CCL20: variants seen among roughly 807,000 people sequenced by gnomAD.
CCL20 encodes C-C motif chemokine 20.
CCL20 carries 8 observed loss-of-function variants against 10.8 expected under a neutral mutation model. The observed-to-expected ratio is 0.74, with a 90% CI of 0.44 to 1.34. CCL20 has a LOEUF of 1.34. Ranked by LOEUF, CCL20 falls within the 40% of genes most tolerant of loss-of-function variation. The probability of loss-of-function intolerance (pLI) is 0.01; values close to 1 mark genes in which losing one functional copy is unlikely to be tolerated. For missense variants in CCL20, 107 were observed against 117.9 expected, an observed-to-expected ratio of 0.91 and a Z score of 0.43; for synonymous variants, 40 against 39.4, an observed-to-expected ratio of 1.02 and a Z score of -0.06.
chr2:227,815,419 T>C lies in CCL20; in HGVS notation c.77-35T>C, dbSNP rs771696536. 6.6e-5 allele frequency: 69 copies of C among 1,044,572 alleles called. 3 individuals carry two copies. The Middle Eastern group carries it at 0.013, about 193-fold the overall frequency. The allele number at this position is 1,044,572 out of a possible 1,614,324, so 64.7% of individuals were successfully genotyped here. On this transcript the variant is annotated intron_variant, in intron 1 of 3. Transcript: ENST00000358813. ...CAATCACAGGATAAGTTTATTCATGTGGATCCAATACCTTTCACTTTTTTT... is the reference window on the plus strand; with the variant it reads ...CAATCACAGGATAAGTTTATTCATGCGGATCCAATACCTTTCACTTTTTTT...
rs1377791765 is a variant in CCL20 at position 227,813,986 on chromosome 2, A to G, written c.75A>G (p.Glu25=). 6 of 1,613,522 alleles carry G rather than the reference A, an allele frequency of 3.7e-6. No individual in the cohort carries two copies. Among genetic ancestry groups the G allele is most frequent in the African/African-American group, 1.3e-5 (1 of 74,924 alleles). ...VLLLHLCGES[E]AASNFDCCLG... is the part of the protein sequence containing the mutation. ...TACTCCACCTCTGCGGCGAATCAGAAGGTAAGTGTCGCTCTTTCCGCTAGC... is the reference window on the plus strand; with the variant it reads ...TACTCCACCTCTGCGGCGAATCAGAGGGTAAGTGTCGCTCTTTCCGCTAGC... Residue 25 remains glutamate (E), a splice_region_variant and synonymous_variant, in exon 1 of 4, where the codon GAA becomes GAG. Transcript: ENST00000358813.
rs376118694 is a variant in CCL20 at position 227,813,908 on chromosome 2, A to G, written c.-4A>G. On this transcript the variant is annotated 5_prime_UTR_variant, in exon 1 of 4. Coordinates refer to ENST00000358813, the MANE Select transcript of CCL20 (RefSeq NM_004591.3). ...GAGCAGATCTGTTCTTTGAGCTAAA[A>G]ACCATGTGCTGTACCAAGAGTTTGC... The G allele has an allele frequency of 1.3e-5, 21 of 1,613,112 alleles. No homozygotes were observed. In the African/African-American group the frequency reaches 2.8e-4, roughly 22 times the overall value.
intron 3 of CCL20, 53 bp downstream of exon 3, chr2:227,816,437 G>A: frequency 2.0e-6 from 2 of 999,568 alleles, no homozygotes; most frequent in South Asian, 1.5e-5. Context: ...AGAGGAGTGT[G>A]CAAAGGGGTG....
Position 227,816,313 on chromosome 2 carries a change from C to G in CCL20, c.198C>G (p.His66Gln), listed in dbSNP as rs1401062054. 3.7e-6 allele frequency: 6 copies of G among 1,606,710 alleles called. No homozygotes were observed. The highest frequency in any genetic ancestry group is 2.2e-5 in the East Asian group (1 of 44,768). The change falls in exon 3 of 4, where the codon CAC becomes CAG. Residue 66 changes from histidine to glutamine, a missense_variant. Physicochemically the swap from His to Gln is conservative, Grantham distance 24 (BLOSUM62 0). Coordinates refer to ENST00000358813, the MANE Select transcript of CCL20 (RefSeq NM_004591.3). ...EGCDINAIIF[H>Q]TKKKLSVCAN... is the part of the protein sequence containing the mutation. ...AAATTTTCTGATTTTTCAGCTTTCA[C>G]ACAAAGAAAAAGTTGTCTGTGTGCG... is the stretch of plus-strand genomic sequence containing the variant.
rs546455394 is a variant in CCL20, at chr2:227,813,932, G to A, written c.21G>A (p.Leu7=). The change falls in exon 1 of 4, where the codon TTG becomes TTA. Residue 7 remains leucine (L), a synonymous_variant. Transcript: ENST00000358813. ...AAACCATGTGCTGTACCAAGAGTTT[G>A]CTCCTGGCTGCTTTGATGTCAGTGC... MCCTKS[L]LLAALMSVLL... is the part of the protein sequence containing the mutation. 104 of 1,614,094 alleles carry A rather than the reference G, an allele frequency of 6.4e-5. 2 individuals carry two copies. The South Asian group carries it at 1.1e-3, about 17-fold the overall frequency.
chr2:227,816,838 G>A (rs950791934), intron 3 of CCL20, among the ~76,000 whole-genome samples: 1 of 152,222 alleles, frequency 6.6e-6, no homozygotes, highest in African/African-American at 2.4e-5. Flanking sequence ...TGAACTTGGA[G>A]ACACAAGATA....
intron 2 of CCL20, chr2:227,815,814 C>T (rs973881609): frequency 1.7e-5 from 6 of 359,946 alleles, no homozygotes; most frequent in Non-Finnish European, 2.5e-5. Context: ...TTTGGTCAAA[C>T]GGAACTAGTA....
At chr2:227,814,128 G>A (rs1279359809) in intron 1 of CCL20, 141 bp downstream of exon 1, 3 of 727,238 alleles carry the variant, frequency 4.1e-6, no homozygotes, top group Admixed American at 4.3e-5. Context: ...GTCTGCCCAT[G>A]GTGGAGTGGA....
In CCL20 at chr2:227,814,036, TC is replaced by T. The variant is rs5839237; in HGVS notation, c.76+51del. The T allele has an allele frequency of 0.017, 26,313 of 1,537,652 alleles. 3,723 individuals are homozygous for T. In the African/African-American group the frequency reaches 0.31, roughly 18 times the overall value. Reference sequence around the variant, plus strand: ...CACAGAAGAAAGACTATTTTCATTTTCCTTTTAGCCTTGAGCTCAACTGGGG... The same window carrying T: ...CACAGAAGAAAGACTATTTTCATTTTCTTTTAGCCTTGAGCTCAACTGGGG... On this transcript the variant is annotated intron_variant, in intron 1 of 3. Transcript: ENST00000358813.
rs202153466 is a variant in CCL20, at chr2:227,813,998, C to T, written c.76+11C>T. Reference sequence around the variant, plus strand: ...GCGGCGAATCAGAAGGTAAGTGTCGCTCTTTCCGCTAGCACAGAAGAAAGA... The same window carrying T: ...GCGGCGAATCAGAAGGTAAGTGTCGTTCTTTCCGCTAGCACAGAAGAAAGA... On this transcript the variant is annotated intron_variant, in intron 1 of 3. Coordinates refer to ENST00000358813, the MANE Select transcript of CCL20 (RefSeq NM_004591.3). 6 of 1,609,810 alleles carry T rather than the reference C, an allele frequency of 3.7e-6. No homozygotes were observed. In the African/African-American group the frequency reaches 6.7e-5, roughly 18 times the overall value.
chr2:227,815,421 G>T (rs370139811), intron 1 of CCL20, 33 bp from the exon 2 acceptor site: 3 of 1,072,806 alleles, frequency 2.8e-6, no homozygotes, highest in African/African-American at 1.6e-5. Context: ...TATTCATGTG[G>T]ATCCAATACC....
At chr2:227,816,189 C>A in intron 2 of CCL20, 118 bp from the exon 3 acceptor site, 1 of 524,936 alleles carries the variant, frequency 1.9e-6, no homozygotes. Context: ...TTTATTTTAC[C>A]TCATCAACTG....
intron 2 of CCL20, 79 bp downstream of exon 2, chr2:227,815,647 G>T: frequency 1.3e-6 from 1 of 773,780 alleles, no homozygotes. Context: ...TGCCTTTTTA[G>T]AGTTTCATTC....
intron 1 of CCL20, among the ~76,000 whole-genome samples, chr2:227,815,081 C>T (rs774977875): frequency 6.6e-6 from 1 of 152,112 alleles, no homozygotes; most frequent in Non-Finnish European, 1.5e-5. Context: ...CATAAGGGTT[C>T]CTTCAAGCAG....
chr2:227,815,481 G>T lies in CCL20; in HGVS notation c.104G>T (p.Gly35Val). Reference protein sequence around the residue: ...EAASNFDCCLGYTDRILHPKF... With the variant: ...EAASNFDCCLVYTDRILHPKF... ...GCAAGCAACTTTGACTGCTGTCTTG[G>T]ATACACAGACCGTATTCTTCATCCT... is the stretch of plus-strand genomic sequence containing the variant. Residue 35 changes from glycine to valine, a missense_variant, in exon 2 of 4, where the codon GGA becomes GTA. By Grantham distance (109) the Gly-to-Val change is moderately radical. Transcript: ENST00000358813. 4.4e-6 allele frequency: 7 copies of T among 1,604,666 alleles called. No individual in the cohort carries two copies. In the Middle Eastern group the frequency reaches 8.3e-4, roughly 190 times the overall value.
chr2:227,814,036 T>C, intron 1 of CCL20, 49 bp downstream of exon 1: 1 of 1,537,704 alleles, frequency 6.5e-7, no homozygotes, highest in South Asian at 1.1e-5. Context: ...ATTTTCATTT[T>C]CCTTTTAGCC....
intron 1 of CCL20, 45 bp downstream of exon 1, chr2:227,814,032 A>AT (rs970826146): frequency 1.9e-6 from 3 of 1,548,908 alleles, no homozygotes; most frequent in Non-Finnish European, 2.7e-6. Flanking sequence ...GACTATTTTC[A>AT]TTTTCCTTTT....
chr2:227,814,868 G>A (rs1186453245), intron 1 of CCL20, among the ~76,000 whole-genome samples: 4 of 151,856 alleles, frequency 2.6e-5, no homozygotes, highest in African/African-American at 9.7e-5. Flanking sequence ...TGGGATTACA[G>A]GCATGAGCCA....
Position 227,813,910 on chromosome 2 carries a change from C to T in CCL20, c.-2C>T, listed in dbSNP as rs1386064268. ...GCAGATCTGTTCTTTGAGCTAAAAA[C>T]CATGTGCTGTACCAAGAGTTTGCTC... On this transcript the variant is annotated 5_prime_UTR_variant, in exon 1 of 4. Transcript: ENST00000358813. 5 of 1,613,216 alleles carry T rather than the reference C, an allele frequency of 3.1e-6. No homozygotes were observed. The highest frequency in any genetic ancestry group is 3.3e-5 in the Admixed American group (2 of 60,022).
Sources: gnomAD v4.1 joint callset for allele counts (sites outside exome capture counted in the v4.1 genomes callset) on GRCh38, gnomAD v4.1.1 for gene constraint, MANE v1.5 for transcripts, NCBI Gene and HGNC (gene_info 2026-07-23, HGNC 2026-07-21) for gene names.